The following CDH17 variants were observed in gnomAD, a reference collection of about 807,000 sequenced individuals.
The protein encoded by CDH17 is cadherin-17.
In CDH17, 67 loss-of-function variants were observed where a neutral mutation model predicts 86.3. The observed-to-expected ratio is 0.78, with a 90% CI of 0.64 to 0.95. The LOEUF is 0.95. Ranked by LOEUF, CDH17 falls within the 40% of genes least tolerant of loss-of-function variation. CDH17 has a pLI of 0.00. For synonymous variants in CDH17, 367 were observed against 366.4 expected, an observed-to-expected ratio of 1.00 and a Z score of -0.02; for missense variants, 993 against 1,017.6, an observed-to-expected ratio of 0.98 and a Z score of 0.33.
chr8:94,144,266 C>T (rs930804169), intron 15 of CDH17, among the ~76,000 whole-genome samples: 4 of 152,052 alleles, frequency 2.6e-5, no homozygotes, highest in Admixed American at 6.6e-5. Context: ...TTAAGTTTGT[C>T]GTCTTATGTG....
intron 12 of CDH17, among the ~76,000 whole-genome samples, chr8:94,158,773 C>G (rs1239319864): frequency 1.3e-5 from 2 of 152,298 alleles, no homozygotes; most frequent in East Asian, 1.9e-4. Context: ...TTGGTTCAAG[C>G]TGGAATGTTT....
intron 15 of CDH17, among the ~76,000 whole-genome samples, chr8:94,139,438 G>GAAAACTCCAAATCCTCA (rs1812593296): frequency 6.6e-6 from 1 of 152,078 alleles, no homozygotes; most frequent in Non-Finnish European, 1.5e-5. Context: ...CATGTTAGAT[G>GAAAACTCCAAATCCTCA]AAAACTCCAA....
At chr8:94,204,189 G>A (rs1813978719) in intron 1 of CDH17, among the ~76,000 whole-genome samples, 1 of 152,002 alleles carries the variant, frequency 6.6e-6, no homozygotes, top group Non-Finnish European at 1.5e-5. Context: ...AGAACATGCA[G>A]GTTTGTTATA....
At chr8:94,147,406 A>G (rs186248737) in intron 14 of CDH17, among the ~76,000 whole-genome samples, 2 of 152,238 alleles carry the variant, frequency 1.3e-5, no homozygotes, top group Non-Finnish European at 2.9e-5. Context: ...TAATCTTTCC[A>G]CATGCAGGGG....
intron 1 of CDH17, among the ~76,000 whole-genome samples, chr8:94,214,539 A>G (rs1814167489): frequency 6.6e-6 from 1 of 152,242 alleles, no homozygotes; most frequent in Non-Finnish European, 1.5e-5. Flanking sequence ...GGCTGAAACT[A>G]TAAAATTCTA....
At position 94,151,885 on chromosome 8, in the gene CDH17, T is replaced by C. The variant is rs1025500037; in HGVS notation, c.1779A>G (p.Pro593=). ...TKVGNVTAKD[P]EGLDISYSLR... is the part of the protein sequence containing the mutation. ...CCCTTTACCTTATGTCCAGACCTTC[T>C]GGATCCTTGGCAGTCACATTGCCCA... The change falls in exon 13 of 18, where the codon CCA becomes CCG. Residue 593 remains proline, a synonymous_variant. Transcript: ENST00000027335. The C allele has an allele frequency of 6.2e-7, 1 of 1,614,226 alleles. No individual in the cohort carries two copies.
At chr8:94,185,350 G>A (rs1423777004) in intron 3 of CDH17, among the ~76,000 whole-genome samples, 1 of 150,844 alleles carries the variant, frequency 6.6e-6, no homozygotes, top group Non-Finnish European at 1.5e-5. Flanking sequence ...ATGATAACCA[G>A]GCTATCATTT....
intron 9 of CDH17, among the ~76,000 whole-genome samples, chr8:94,167,292 C>G (rs1813175869): frequency 6.6e-6 from 1 of 152,168 alleles, no homozygotes; most frequent in Non-Finnish European, 1.5e-5. Flanking sequence ...CCATCCTACT[C>G]TGGGAGGTGG....
intron 1 of CDH17, among the ~76,000 whole-genome samples, chr8:94,196,507 C>A (rs1813787880): frequency 6.6e-6 from 1 of 152,084 alleles, no homozygotes; most frequent in Admixed American, 6.6e-5. Flanking sequence ...GAGTTTGAGA[C>A]CACCCTGGCC....
intron 1 of CDH17, among the ~76,000 whole-genome samples, chr8:94,215,626 A>G (rs886858900): frequency 3.9e-5 from 6 of 152,218 alleles, no homozygotes; most frequent in Admixed American, 6.5e-5. Flanking sequence ...GTGCACTTTA[A>G]GTTGGTAAGC....
chr8:94,209,817 T>C (rs1814092031), upstream of CDH17, among the ~76,000 whole-genome samples: 1 of 152,150 alleles, frequency 6.6e-6, no homozygotes, highest in African/African-American at 2.4e-5. Flanking sequence ...CATGTTTCAG[T>C]TCCTGGAATC....
intron 15 of CDH17, among the ~76,000 whole-genome samples, chr8:94,139,107 T>C (rs1812587433): frequency 6.6e-6 from 1 of 152,144 alleles, no homozygotes; most frequent in Admixed American, 6.5e-5. Context: ...ATTCTATATG[T>C]TCAAGAAGCT....
Position 94,176,450 on chromosome 8 carries a change from T to C in CDH17, c.424+91A>G, listed in dbSNP as rs112971110. On this transcript the variant is annotated intron_variant, in intron 5 of 17. Transcript: ENST00000027335. The stretch of plus-strand genomic sequence containing the variant: ...TGTAGGTAAGATAGTGCTTATTGAG[T>C]GACAGCTGCAGCTATTAGCCACACA... The C allele has an allele frequency of 7.4e-6, 10 of 1,358,342 alleles. No homozygotes were observed. The African/African-American group carries it at 8.7e-5, about 12-fold the overall frequency. 84.1% of individuals were successfully genotyped at this position (1,358,342 alleles called of 1,614,324 possible).
chr8:94,148,732 T>TTTTTTTTTTTC lies in CDH17; in HGVS notation c.1927+11_1927+12insGAAAAAAAAAA. 1 of 1,446,286 alleles carries TTTTTTTTTTTC rather than the reference T, an allele frequency of 6.9e-7. No homozygotes were observed. Among genetic ancestry groups the TTTTTTTTTTTC allele is most frequent in the Non-Finnish European group, 9.0e-7 (1 of 1,107,548 alleles). The allele number at this position is 1,446,286 out of a possible 1,614,324, so 89.6% of individuals were successfully genotyped here. On this transcript the variant is annotated intron_variant, in intron 14 of 17. Coordinates refer to ENST00000027335, the MANE Select transcript of CDH17 (RefSeq NM_004063.4). ...GTTCCTTTTTTTTTGTTTTTTTTTT[T>TTTTTTTTTTTC]TTTTTGCTTACCTACTTCTGTGGCC...
intron 17 of CDH17, among the ~76,000 whole-genome samples, chr8:94,130,017 G>A (rs185292444): frequency 3.3e-4 from 50 of 152,254 alleles, no homozygotes; most frequent in Admixed American, 1.6e-3. Flanking sequence ...GGAAACACTT[G>A]GAATAGGCAC....
At chr8:94,172,240 A>G (rs190381260) in intron 7 of CDH17, among the ~76,000 whole-genome samples, 71 of 152,034 alleles carry the variant, frequency 4.7e-4, no homozygotes, top group East Asian at 2.9e-3. Context: ...TAGGCCCCCA[A>G]TCAGAAATTC....
intron 16 of CDH17, 35 bp from the exon 17 acceptor site, chr8:94,130,774 C>A: frequency 1.9e-6 from 3 of 1,567,992 alleles, no homozygotes; most frequent in Non-Finnish European, 2.6e-6. Context: ...AGGATAAATT[C>A]TCAAGTGAAT....
At chr8:94,183,282 G>A (rs1813516347) in intron 3 of CDH17, among the ~76,000 whole-genome samples, 2 of 152,062 alleles carry the variant, frequency 1.3e-5, no homozygotes, top group South Asian at 2.1e-4. Context: ...AACTACAGGG[G>A]ACTCAGAATA....
chr8:94,152,146 G>A, intron 12 of CDH17, 34 bp from the exon 13 acceptor site: 1 of 1,608,770 alleles, frequency 6.2e-7, no homozygotes, highest in East Asian at 2.2e-5. Context: ...TTAATTTTGG[G>A]GTGATTAGCT....
Sources: allele counts gnomAD v4.1 joint callset (sites outside exome capture counted in the v4.1 genomes callset), GRCh38; gene constraint gnomAD v4.1.1; transcripts MANE v1.5; gene names NCBI Gene and HGNC (gene_info 2026-07-23, HGNC 2026-07-21).